The following RRAS2 variants were observed in gnomAD, a reference collection of about 807,000 sequenced individuals.
RRAS2 encodes the protein RAS related 2.
RRAS2 carries 7 observed loss-of-function variants against 27.6 expected under a neutral mutation model. That is an observed-to-expected ratio of 0.25 (90% confidence interval 0.14 to 0.48). The LOEUF (loss-of-function observed/expected upper bound fraction) is 0.48. Among genes scored for constraint, RRAS2 ranks in the 20% least tolerant of loss-of-function variants. RRAS2 has a pLI of 0.99. For synonymous variants in RRAS2, 86 were observed against 90.9 expected (o/e 0.95, Z 0.31); for missense variants, 178 against 256.2 (o/e 0.69, Z 2.08).
At chr11:14,324,329 A>C (rs1350075505) in intron 1 of RRAS2, among the ~76,000 whole-genome samples, 2 of 152,074 alleles carry the variant, frequency 1.3e-5, no homozygotes, top group Non-Finnish European at 2.9e-5. Context: ...GACACCATTT[A>C]CAACAGCAAC....
chr11:14,282,391 C>T (rs1176628978), intron 4 of RRAS2, among the ~76,000 whole-genome samples: 1 of 151,954 alleles, frequency 6.6e-6, no homozygotes, highest in Non-Finnish European at 1.5e-5. Flanking sequence ...CTCACAATGC[C>T]TTATATTTTG....
At chr11:14,340,287 AATGGGGTTTTGCCAC>A (rs1554953112) in intron 1 of RRAS2, among the ~76,000 whole-genome samples, 1 of 151,768 alleles carries the variant, frequency 6.6e-6, no homozygotes, top group African/African-American at 2.4e-5. Flanking sequence ...TTTAAGCAGA[AATGGGGTTTTGCCAC>A]ATAGGCCAGG....
At chr11:14,351,974 G>A (rs1482311462) in intron 1 of RRAS2, among the ~76,000 whole-genome samples, 2 of 151,962 alleles carry the variant, frequency 1.3e-5, no homozygotes, top group Non-Finnish European at 2.9e-5. Context: ...GATAAGGGTG[G>A]CATCATGTCT....
At position 14,359,146 on chromosome 11, in the gene RRAS2, C is replaced by G. The variant is rs1238280493; in HGVS notation, c.-276G>C. 1 of 1,028,948 alleles carries G rather than the reference C, an allele frequency of 9.7e-7. No individual in the cohort carries two copies. Among genetic ancestry groups the G allele is most frequent in the Non-Finnish European group, 1.2e-6 (1 of 859,042 alleles). The allele number at this position is 1,028,948 out of a possible 1,614,324, so 63.7% of individuals were successfully genotyped here. A position where few individuals can be genotyped will look rare whatever the true frequency, so the allele number is the denominator to read the frequency against. On this transcript the variant is annotated 5_prime_UTR_variant, in exon 1 of 6. Transcript: ENST00000256196. Reference sequence around the variant, plus strand: ...CCTCTACGCGTCTCCGCAGCGCCTGCCGAACGCAGCCTCCAGCGCCGCCAC... The same window carrying G: ...CCTCTACGCGTCTCCGCAGCGCCTGGCGAACGCAGCCTCCAGCGCCGCCAC...
At position 14,359,110 on chromosome 11, in the gene RRAS2, G is replaced by T. The variant is rs984683980; in HGVS notation, c.-240C>A. 2.8e-6 allele frequency: 3 copies of T among 1,057,278 alleles called. No individual in the cohort carries two copies. The highest frequency in any genetic ancestry group is 5.5e-5 in the Admixed American group (1 of 18,302). 65.5% of individuals were successfully genotyped at this position (1,057,278 alleles called of 1,614,324 possible). ...CACGGGCCAGGGGCGGCAGCGGCCG[G>T]GGGGCGCGCTCCTCTACGCGTCTCC... On this transcript the variant is annotated 5_prime_UTR_variant, in exon 1 of 6. Transcript: ENST00000256196.
At chr11:14,351,894 C>CAA (rs35089298) in intron 1 of RRAS2, among the ~76,000 whole-genome samples, 2,240 of 113,082 alleles carry the variant, frequency 0.02, 54 homozygotes, top group East Asian at 0.096. Context: ...GACTCCGTCT[C>CAA]AAAAAAAAAA....
chr11:14,302,739 C>CA (rs1847747104), intron 1 of RRAS2, among the ~76,000 whole-genome samples: 1 of 152,212 alleles, frequency 6.6e-6, no homozygotes, highest in Non-Finnish European at 1.5e-5. Flanking sequence ...TCTTCCAGGA[C>CA]AGAAGCGCTG....
intron 1 of RRAS2, among the ~76,000 whole-genome samples, chr11:14,299,108 A>G (rs186511257): frequency 1.3e-5 from 2 of 152,370 alleles, no homozygotes; most frequent in East Asian, 1.9e-4. Context: ...GAAATAATGC[A>G]TATGAAGTGC....
At chr11:14,346,693 T>A (rs528666818) in intron 1 of RRAS2, among the ~76,000 whole-genome samples, 1 of 152,314 alleles carries the variant, frequency 6.6e-6, no homozygotes, top group Non-Finnish European at 1.5e-5. Flanking sequence ...AATAACAATA[T>A]ATTGTACTCT....
At chr11:14,301,847 C>T (rs1007552158) in intron 1 of RRAS2, among the ~76,000 whole-genome samples, 1 of 151,936 alleles carries the variant, frequency 6.6e-6, no homozygotes, top group African/African-American at 2.4e-5. Context: ...GGCGTGATAG[C>T]GGGCACCTGT....
chr11:14,355,249 C>T (rs1271462348), intron 1 of RRAS2, among the ~76,000 whole-genome samples: 1 of 151,798 alleles, frequency 6.6e-6, no homozygotes, highest in African/African-American at 2.4e-5. Flanking sequence ...GAAGCTCAGT[C>T]GAGATAAAGG....
intron 1 of RRAS2, among the ~76,000 whole-genome samples, chr11:14,301,120 A>G (rs1847690446): frequency 6.6e-6 from 1 of 152,350 alleles, no homozygotes; most frequent in East Asian, 1.9e-4. Context: ...CATAGGGTAT[A>G]GAAAGGGGAA....
chr11:14,322,029 T>C (rs1848235333), intron 1 of RRAS2, among the ~76,000 whole-genome samples: 1 of 152,152 alleles, frequency 6.6e-6, no homozygotes, highest in Admixed American at 6.5e-5. Flanking sequence ...TGCTAGACAC[T>C]GTATAAAAAA....
chr11:14,363,552 T>G (rs183614532), upstream of RRAS2, among the ~76,000 whole-genome samples: 68 of 152,228 alleles, frequency 4.5e-4, 1 homozygote, highest in East Asian at 7.3e-3. Context: ...GTGGATCACC[T>G]GAGGTCAGGA....
chr11:14,293,070 T>C (rs1053245556), intron 4 of RRAS2, among the ~76,000 whole-genome samples: 6 of 144,806 alleles, frequency 4.1e-5, no homozygotes, highest in African/African-American at 1.6e-4. Flanking sequence ...ATCACGCCAC[T>C]GCACTCCAGC....
intron 1 of RRAS2, among the ~76,000 whole-genome samples, chr11:14,305,153 C>T (rs1847803377): frequency 6.6e-6 from 1 of 152,116 alleles, no homozygotes; most frequent in African/African-American, 2.4e-5. Context: ...GCCTTCCATA[C>T]ATTTTCAGCT....
intron 1 of RRAS2, among the ~76,000 whole-genome samples, chr11:14,350,050 A>G (rs1202103362): frequency 2.0e-5 from 3 of 152,218 alleles, no homozygotes; most frequent in Non-Finnish European, 2.9e-5. Flanking sequence ...CCTCTAGGAA[A>G]TCAATCTTAT....
At chr11:14,279,447 A>C (rs201542107) in intron 5 of RRAS2, 23 bp from the exon 6 acceptor site, 1 of 1,525,358 alleles carries the variant, frequency 6.6e-7, no homozygotes. Flanking sequence ...AAATTCTAAA[A>C]TATAATTGCC....
chr11:14,286,654 C>T (rs1285774882), intron 4 of RRAS2, among the ~76,000 whole-genome samples: 1 of 152,220 alleles, frequency 6.6e-6, no homozygotes, highest in Non-Finnish European at 1.5e-5. Flanking sequence ...TAGTTTAGTA[C>T]ACCAATATAC....
Sources: allele counts gnomAD v4.1 joint callset (sites outside exome capture counted in the v4.1 genomes callset), GRCh38; gene constraint gnomAD v4.1.1; transcripts MANE v1.5; gene names NCBI Gene and HGNC (gene_info 2026-07-23, HGNC 2026-07-21).